The following ABL1 variants were observed in gnomAD, a reference collection of about 807,000 sequenced individuals.
The protein encoded by ABL1 is ABL proto-oncogene 1, non-receptor tyrosine kinase, also known as tyrosine-protein kinase ABL1.
A neutral mutation model predicts 94.7 loss-of-function variants in ABL1; 11 were observed. The ratio of observed to expected loss-of-function variants is 0.12; its 90% CI spans 0.07 to 0.19. ABL1 has a LOEUF of 0.19. Ranked by LOEUF, ABL1 falls within the 10% of genes least tolerant of loss-of-function variation. ABL1 has a pLI of 1.00. For missense variants in ABL1, 1,082 were observed against 1,489.4 expected (o/e 0.73, Z 4.50); for synonymous variants, 656 against 622.4 (o/e 1.05, Z -0.80).
upstream of ABL1, among the ~76,000 whole-genome samples, chr9:130,831,835 CTGACCTCAGG>C (rs1228235181): frequency 6.6e-6 from 1 of 152,136 alleles, no homozygotes; most frequent in African/African-American, 2.4e-5. Flanking sequence ...TCTTTAACTC[CTGACCTCAGG>C]TGATCGCCCA....
chr9:130,724,764 A>T (rs1831558255), intron 1 of ABL1: 1 of 465,308 alleles, frequency 2.1e-6, no homozygotes, highest in African/African-American at 2.0e-5. Flanking sequence ...AAAAAAAAAA[A>T]AAAAAAGCAA....
chr9:130,780,521 T>C (rs1829742539), intron 1 of ABL1, among the ~76,000 whole-genome samples: 1 of 152,194 alleles, frequency 6.6e-6, no homozygotes, highest in African/African-American at 2.4e-5. Flanking sequence ...ACTTTCGTTT[T>C]TGGATAGTGC....
chr9:130,847,080 T>C (rs999723391), intron 1 of ABL1, among the ~76,000 whole-genome samples: 1 of 152,200 alleles, frequency 6.6e-6, no homozygotes, highest in African/African-American at 2.4e-5. Flanking sequence ...CTGTTCTCGG[T>C]GCTCAACTAG....
chr9:130,733,991 G>C (rs1356546492), intron 1 of ABL1, among the ~76,000 whole-genome samples: 1 of 152,052 alleles, frequency 6.6e-6, no homozygotes, highest in African/African-American at 2.4e-5. Flanking sequence ...GGGTAGTCGT[G>C]TTTTTAGGGT....
chr9:130,792,421 T>G (rs973699770), intron 1 of ABL1, among the ~76,000 whole-genome samples: 9 of 152,156 alleles, frequency 5.9e-5, no homozygotes, highest in African/African-American at 2.2e-4. Flanking sequence ...CTCCTCATCT[T>G]GATGCTTTTT....
At chr9:130,832,047 T>C (rs573069888), upstream of ABL1, among the ~76,000 whole-genome samples, 1 of 152,302 alleles carries the variant, frequency 6.6e-6, no homozygotes, top group South Asian at 2.1e-4. Flanking sequence ...TCAAAATAGA[T>C]TGTCCATGGA....
chr9:130,874,653 C>G (rs759625911), intron 6 of ABL1, among the ~76,000 whole-genome samples: 1 of 152,182 alleles, frequency 6.6e-6, no homozygotes, highest in Non-Finnish European at 1.5e-5. Flanking sequence ...CCAGGGAGCC[C>G]GCTCCCAGCA....
chr9:130,880,230 C>A lies in ABL1; in HGVS notation c.1513+73C>A. On this transcript the variant is annotated intron_variant, in intron 9 of 10. Transcript: ENST00000318560. This position sits in a 1 kb window ranked among gnomAD's most constrained non-coding sequence, Gnocchi z 4.4. ...ATGTGGGACTGCAGCCTGGGTCATT[C>A]GGTTCACTTCCTGGTGAAAGTTCAC... 1.4e-6 allele frequency: 2 copies of A among 1,472,448 alleles called. No homozygotes were observed. The highest frequency in any genetic ancestry group is 1.4e-5 in the African/African-American group (1 of 71,962). The allele number at this position is 1,472,448 out of a possible 1,614,324, so 91.2% of individuals were successfully genotyped here. A position where few individuals can be genotyped will look rare whatever the true frequency, so the allele number is the denominator to read the frequency against.
At chr9:130,767,102 C>T (rs915879595) in intron 1 of ABL1, among the ~76,000 whole-genome samples, 12 of 152,184 alleles carry the variant, frequency 7.9e-5, no homozygotes, top group African/African-American at 2.9e-4. Context: ...CCATGCAGGC[C>T]CCAGCTCACA....
At chr9:130,740,772 C>G (rs1159071588) in intron 1 of ABL1, among the ~76,000 whole-genome samples, 2 of 150,652 alleles carry the variant, frequency 1.3e-5, no homozygotes, top group Non-Finnish European at 1.5e-5. Flanking sequence ...CCTCCCACCT[C>G]GGTCTCTTGA....
intron 8 of ABL1, among the ~76,000 whole-genome samples, chr9:130,879,443 T>G (rs970031336): frequency 2.6e-5 from 4 of 152,218 alleles, no homozygotes. Context: ...ATTTGTTTGG[T>G]TTTTGCCCTT....
chr9:130,881,073 A>G (rs1174097848), intron 10 of ABL1, among the ~76,000 whole-genome samples: 2 of 152,240 alleles, frequency 1.3e-5, no homozygotes, highest in Non-Finnish European at 2.9e-5. Context: ...AGCCAGGTGG[A>G]ACCAGGACAC....
At position 130,812,461 on chromosome 9, in the gene ABL1, A is replaced by T. The variant is rs545648776; in HGVS notation, c.137-41603A>T. On this transcript the variant is annotated intron_variant, in intron 1 of 10. Coordinates refer to the ABL1 transcript ENST00000372348. ...GCTGTCTACAGTTATCCCACTTTGA[A>T]TATAAAAATACAAATACGTTAAAAG... is the stretch of plus-strand genomic sequence containing the variant. Among the ~76,000 whole-genome samples the T allele has an allele frequency of 1.3e-3, 191 of 152,312 alleles. 1 individual carries two copies. The highest frequency in any genetic ancestry group is 2.2e-3 in the Non-Finnish European group (152 of 68,028).
chr9:130,793,416 T>C (rs1283907611), intron 1 of ABL1, among the ~76,000 whole-genome samples: 2 of 152,194 alleles, frequency 1.3e-5, no homozygotes, highest in Admixed American at 6.5e-5. Context: ...GGGCCTTAAT[T>C]ATCATGAATT....
intron 1 of ABL1, among the ~76,000 whole-genome samples, chr9:130,848,942 GAA>G (rs879454644): frequency 1.4e-5 from 2 of 139,948 alleles, no homozygotes; most frequent in African/African-American, 2.6e-5. Flanking sequence ...TCCGTCTCGA[GAA>G]AAAAAAAAAA....
At chr9:130,796,732 TAAAC>T (rs906296326) in intron 1 of ABL1, among the ~76,000 whole-genome samples, 18 of 150,148 alleles carry the variant, frequency 1.2e-4, no homozygotes, top group African/African-American at 3.4e-4. Context: ...AATAAATAAA[TAAAC>T]AAAAAACAAT....
At chr9:130,829,028 A>G (rs1359492889) in intron 1 of ABL1, among the ~76,000 whole-genome samples, 1 of 152,222 alleles carries the variant, frequency 6.6e-6, no homozygotes, top group African/African-American at 2.4e-5. Flanking sequence ...AGTCATTTTA[A>G]GGGGTCAGGA....
At chr9:130,794,695 C>T (rs925885065) in intron 1 of ABL1, among the ~76,000 whole-genome samples, 2 of 152,056 alleles carry the variant, frequency 1.3e-5, no homozygotes, top group African/African-American at 4.8e-5. Context: ...GACGGGGTTC[C>T]CTGACTTCAT....
intron 7 of ABL1, among the ~76,000 whole-genome samples, chr9:130,877,324 A>C (rs1831363738): frequency 6.7e-6 from 1 of 148,336 alleles, no homozygotes; most frequent in South Asian, 2.1e-4. Context: ...TGGAATTTTA[A>C]GGCAATAATC....
Sources: allele counts gnomAD v4.1 joint callset (sites outside exome capture counted in the v4.1 genomes callset), GRCh38; gene constraint gnomAD v4.1.1; non-coding constraint Gnocchi (gnomAD v3.1); transcripts MANE v1.5; gene names NCBI Gene and HGNC (gene_info 2026-07-23, HGNC 2026-07-21).